The following ADH7 variants were observed in gnomAD, a reference collection of about 807,000 sequenced individuals.
ADH7 encodes alcohol dehydrogenase 7 (class IV), mu or sigma polypeptide, also known as all-trans-retinol dehydrogenase [NAD(+)] ADH7.
In ADH7, 41 loss-of-function variants were observed where a neutral mutation model predicts 34.4. That is an observed-to-expected ratio of 1.19 (90% confidence interval 0.93 to 1.55). The LOEUF (loss-of-function observed/expected upper bound fraction) is 1.55. ADH7 is among the 40% of genes most tolerant of loss of function. ADH7 has a pLI of 0.00. For synonymous variants in ADH7, 180 were observed against 160.9 expected (o/e 1.12, Z -0.90); for missense variants, 540 against 461.2 (o/e 1.17, Z -1.56).
At chr4:99,432,357 A>G (rs1721954819) in intron 1 of ADH7, among the ~76,000 whole-genome samples, 1 of 152,116 alleles carries the variant, frequency 6.6e-6, no homozygotes, top group Admixed American at 6.6e-5. Context: ...AAAACCACCA[A>G]TTAGGTACCA....
intron 5 of ADH7, among the ~76,000 whole-genome samples, chr4:99,425,865 G>T (rs1004489032): frequency 1.4e-4 from 21 of 152,088 alleles, no homozygotes; most frequent in African/African-American, 5.1e-4. Flanking sequence ...CTGTCTCTCA[G>T]ACCACAGTGC....
rs145837213 is a variant in ADH7, at chr4:99,421,717, C to T, written c.565-924G>A. 4.2e-3 allele frequency among the ~76,000 whole-genome samples: 642 copies of T among 152,236 alleles called. 3 individuals carry two copies. Among genetic ancestry groups the T allele is most frequent in the African/African-American group, 0.014 (570 of 41,536 alleles). ...ACTATCGTCAGAGTGAACAGGCAAC[C>T]TACAGAATGGGAGGAGATTTTTGTG... On this transcript the variant is annotated intron_variant, in intron 5 of 8. Transcript: ENST00000437033.
chr4:99,423,978 C>T (rs1721736248), intron 5 of ADH7, among the ~76,000 whole-genome samples: 1 of 151,630 alleles, frequency 6.6e-6, no homozygotes, highest in South Asian at 2.1e-4. Context: ...AATGGTAATG[C>T]CTAGGTTTTC....
Position 99,418,851 on chromosome 4 carries a change from T to C in ADH7, c.961+135A>G, listed in dbSNP as rs1721581542. On this transcript the variant is annotated intron_variant, in intron 7 of 8. Transcript: ENST00000437033. ...GAGTGGAGAATTATCTTTTGTGTTA[T>C]TATGATCACAGTTCCATTTTAGATC... The C allele has an allele frequency of 5.8e-6, 6 of 1,043,260 alleles. No homozygotes were observed. The Admixed American group carries it at 8.2e-5, about 14-fold the overall frequency. The allele number at this position is 1,043,260 out of a possible 1,614,324, so 64.6% of individuals were successfully genotyped here.
At chr4:99,418,164 A>ATTTATTTATTTAT (rs1327866409) in intron 7 of ADH7, among the ~76,000 whole-genome samples, 2 of 152,220 alleles carry the variant, frequency 1.3e-5, no homozygotes, top group Non-Finnish European at 2.9e-5. Flanking sequence ...AAATGCTAAA[A>ATTTATTTATTTAT]AACTCCTCTT....
intron 5 of ADH7, among the ~76,000 whole-genome samples, chr4:99,425,024 G>A (rs374622863): frequency 6.6e-6 from 1 of 151,686 alleles, no homozygotes; most frequent in Admixed American, 6.6e-5. Flanking sequence ...GTCATAGATA[G>A]CACCAGGCCT....
chr4:99,416,468 C>T (rs1579571368), intron 7 of ADH7, among the ~76,000 whole-genome samples: 2 of 152,052 alleles, frequency 1.3e-5, no homozygotes, highest in African/African-American at 4.8e-5. Flanking sequence ...GTTGGTGGCT[C>T]CCCTTTTCTG....
At chr4:99,429,697 T>A in intron 1 of ADH7, 64 bp from the exon 2 acceptor site, 1 of 1,118,992 alleles carries the variant, frequency 8.9e-7, no homozygotes, top group Non-Finnish European at 1.3e-6. Context: ...ACTCCCTGAC[T>A]AGTATAAATA....
intron 1 of ADH7, among the ~76,000 whole-genome samples, chr4:99,433,648 T>C (rs1579582449): frequency 6.6e-6 from 1 of 152,158 alleles, no homozygotes; most frequent in Admixed American, 6.6e-5. Flanking sequence ...TGATCCAATA[T>C]GGCTGGTGTC....
At chr4:99,414,701 T>G (rs1262474676) in intron 8 of ADH7, among the ~76,000 whole-genome samples, 1 of 152,200 alleles carries the variant, frequency 6.6e-6, no homozygotes. Context: ...ACCAGTTATT[T>G]ATTTGCTTTC....
chr4:99,421,163 C>G (rs1721649142), intron 5 of ADH7, among the ~76,000 whole-genome samples: 1 of 152,008 alleles, frequency 6.6e-6, no homozygotes, highest in African/African-American at 2.4e-5. Context: ...TAAATTTCAT[C>G]TAGAACCAAA....
chr4:99,428,650 C>T lies in ADH7; in HGVS notation c.121-20G>A. 2 of 1,605,474 alleles carry T rather than the reference C, an allele frequency of 1.2e-6. No homozygotes were observed. Among genetic ancestry groups the T allele is most frequent in the Non-Finnish European group, 1.7e-6 (2 of 1,177,002 alleles). On this transcript the variant is annotated intron_variant, in intron 2 of 8. Transcript: ENST00000437033. ...CAAAATCTGTGTTCAAAGACAAAAACATTGCACCAATCAACAAACTGATCA... is the reference window on the plus strand; with the variant it reads ...CAAAATCTGTGTTCAAAGACAAAAATATTGCACCAATCAACAAACTGATCA...
intron 8 of ADH7, 109 bp from the exon 9 acceptor site, chr4:99,413,281 G>T: frequency 1.6e-6 from 2 of 1,255,616 alleles, no homozygotes; most frequent in Admixed American, 1.9e-5. Context: ...AGTAAATTCT[G>T]TTATTGGAAA....
In ADH7 at chr4:99,428,600, C is replaced by T; in HGVS notation, c.151G>A (p.Asp51Asn). The T allele has an allele frequency of 6.2e-7, 1 of 1,613,784 alleles. No homozygotes were observed. The highest frequency in any genetic ancestry group is 1.3e-5 in the African/African-American group (1 of 75,038). The change falls in exon 3 of 9, where the codon GAC becomes AAC. Residue 51 changes from aspartate (D) to asparagine (N), a missense_variant. Physicochemically the swap from Asp to Asn is conservative, Grantham distance 23. Transcript: ENST00000437033. Reference sequence around the variant, plus strand: ...ACCATTGTTCCTTTTATCACATGGTCATCTGTGCGACAGATTCCTGTGGCC... The same window carrying T: ...ACCATTGTTCCTTTTATCACATGGTTATCTGTGCGACAGATTCCTGTGGCC... ...ILATGICRTD[D>N]HVIKGTMVSK...
intron 7 of ADH7, among the ~76,000 whole-genome samples, chr4:99,416,873 C>A (rs557495883): frequency 6.6e-6 from 1 of 152,230 alleles, no homozygotes; most frequent in East Asian, 1.9e-4. Flanking sequence ...CCCTAGCCCC[C>A]AATCTATTCC....
chr4:99,413,243 G>T, intron 8 of ADH7, 71 bp from the exon 9 acceptor site: 3 of 1,520,480 alleles, frequency 2.0e-6, no homozygotes, highest in Non-Finnish European at 1.8e-6. Context: ...TTAAACAATT[G>T]TCCTTTCTAT....
chr4:99,417,437 A>C (rs1721544987), intron 7 of ADH7, among the ~76,000 whole-genome samples: 1 of 152,150 alleles, frequency 6.6e-6, no homozygotes, highest in African/African-American at 2.4e-5. Context: ...TGAATATCTT[A>C]TTTATGTTTT....
At position 99,420,625 on chromosome 4, in the gene ADH7, C is replaced by A; in HGVS notation, c.733G>T (p.Asp245Tyr). The change falls in exon 6 of 9, where the codon GAC becomes TAC. Residue 245 changes from aspartate to tyrosine, a missense_variant. Asp to Tyr is a radical substitution (Grantham distance 160, BLOSUM62 -3). Coordinates refer to ENST00000437033, the MANE Select transcript of ADH7 (RefSeq NM_000673.7). ...ACCTCACTGATGGGTTTGGTAGAGT[C>A]CTTGGGACTGATACACTCAGTGGCA... ...VGATECISPKDSTKPISEVLS... is the reference protein window; with the variant it reads ...VGATECISPKYSTKPISEVLS... The A allele has an allele frequency of 6.2e-7, 1 of 1,613,898 alleles. No homozygotes were observed. Among genetic ancestry groups the A allele is most frequent in the East Asian group, 2.2e-5 (1 of 44,856 alleles).
At chr4:99,429,444 T>G in intron 2 of ADH7, 88 bp downstream of exon 2, 1 of 882,080 alleles carries the variant, frequency 1.1e-6, no homozygotes, top group Middle Eastern at 2.3e-4. Flanking sequence ...AGCATCTCCT[T>G]ATTTAAGAAT....
Sources: allele counts gnomAD v4.1 joint callset (sites outside exome capture counted in the v4.1 genomes callset), GRCh38; gene constraint gnomAD v4.1.1; transcripts MANE v1.5; gene names NCBI Gene and HGNC (gene_info 2026-07-23, HGNC 2026-07-21).